The following SLC12A2 variants were observed in gnomAD, a reference collection of about 807,000 sequenced individuals.
SLC12A2 encodes the protein Na-K-2Cl cotransporter 1.
In SLC12A2, 67 loss-of-function variants were observed where a neutral mutation model predicts 136.3. The observed-to-expected ratio is 0.49, with a 90% CI of 0.40 to 0.60. The LOEUF is 0.60. Among genes scored for constraint, SLC12A2 ranks in the 20% least tolerant of loss-of-function variants. The probability of loss-of-function intolerance (pLI) is 0.00; values close to 1 mark genes in which losing one functional copy is unlikely to be tolerated. For missense variants in SLC12A2, 1,322 were observed against 1,534.7 expected (o/e 0.86, Z 2.32); for synonymous variants, 619 against 562.9 (o/e 1.10, Z -1.41).
intron 4 of SLC12A2, among the ~76,000 whole-genome samples, chr5:128,127,818 T>C (rs1279402797): frequency 2.0e-5 from 3 of 152,138 alleles, no homozygotes; most frequent in Non-Finnish European, 4.4e-5. Context: ...TTCTTTGTTC[T>C]TGATTAGCTA....
At chr5:128,096,236 A>C (rs1172129322) in intron 1 of SLC12A2, among the ~76,000 whole-genome samples, 1 of 152,090 alleles carries the variant, frequency 6.6e-6, no homozygotes, top group African/African-American at 2.4e-5. Flanking sequence ...TATTAGGAAA[A>C]ACATCTATGT....
intron 1 of SLC12A2, chr5:128,110,714 T>C: frequency 6.9e-7 from 1 of 1,448,110 alleles, no homozygotes; most frequent in Non-Finnish European, 9.7e-7. Context: ...AAACACTACA[T>C]TCCAGTGAAG....
chr5:128,151,166 T>TTTTTGAATA (rs1320776998), intron 13 of SLC12A2, 75 bp from the exon 14 acceptor site: 4 of 1,310,884 alleles, frequency 3.1e-6, no homozygotes, highest in Non-Finnish European at 4.1e-6. Context: ...AGAATGTTAT[T>TTTTTGAATA]TTTTGAATAC....
intron 1 of SLC12A2, among the ~76,000 whole-genome samples, chr5:128,104,093 G>C (rs1233885919): frequency 1.3e-5 from 2 of 152,146 alleles, no homozygotes; most frequent in Non-Finnish European, 2.9e-5. Flanking sequence ...CGGAAACCCA[G>C]GGGTCTAGAG....
At chr5:128,168,968 T>C (rs1208107995) in intron 18 of SLC12A2, 2 of 152,242 alleles carry the variant, frequency 1.3e-5, no homozygotes, top group Non-Finnish European at 2.9e-5. Context: ...TTTGTGGATT[T>C]TGTGGATGTT....
intron 5 of SLC12A2, among the ~76,000 whole-genome samples, chr5:128,132,380 A>T (rs902979910): frequency 2.0e-5 from 3 of 152,168 alleles, no homozygotes; most frequent in African/African-American, 7.2e-5. Context: ...GGGATGTGAG[A>T]AATTAGAGAA....
chr5:128,182,971 T>G, intron 24 of SLC12A2, 30 bp downstream of exon 24: 1 of 1,375,416 alleles, frequency 7.3e-7, no homozygotes, highest in Non-Finnish European at 1.0e-6. Context: ...TCTGATCCCT[T>G]TATAGATGGC....
At position 128,189,023 on chromosome 5, in the gene SLC12A2, A is replaced by G. The variant is rs1763961250; in HGVS notation, c.*2392A>G. 6.6e-6 allele frequency: 1 copy of G among 152,258 alleles called. No homozygotes were observed. Among genetic ancestry groups the G allele is most frequent in the Admixed American group, 6.6e-5 (1 of 15,232 alleles). The allele number at this position is 152,258 out of a possible 1,614,324, so 9.4% of individuals were successfully genotyped here. A position where few individuals can be genotyped will look rare whatever the true frequency, so the allele number is the denominator to read the frequency against. On this transcript the variant is annotated 3_prime_UTR_variant, in exon 27 of 27. Coordinates refer to ENST00000262461, the MANE Select transcript of SLC12A2 (RefSeq NM_001046.3). Reference sequence around the variant, plus strand: ...TGCGTCATACATGTGGGTATAAAGTACATAAAATATATCTAACTATTCATA... The same window carrying G: ...TGCGTCATACATGTGGGTATAAAGTGCATAAAATATATCTAACTATTCATA...
Position 128,161,748 on chromosome 5 carries a change from A to G in SLC12A2, c.2564A>G (p.Tyr855Cys). 1 of 1,532,486 alleles carries G rather than the reference A, an allele frequency of 6.5e-7. No homozygotes were observed. Among genetic ancestry groups the G allele is most frequent in the Non-Finnish European group, 8.8e-7 (1 of 1,141,946 alleles). 94.9% of individuals were successfully genotyped at this position (1,532,486 alleles called of 1,614,324 possible). A position where few individuals can be genotyped will look rare whatever the true frequency, so the allele number is the denominator to read the frequency against. Residue 855 changes from tyrosine (Y) to cysteine (C), a missense_variant, in exon 17 of 27, where the codon TAT becomes TGT. This residue lies in a region of SLC12A2 where 226 missense variants were observed against 210.4 expected (regional missense o/e 1.07). Transcript: ENST00000262461. ...WLIKNKMKAF[Y>C]APVHADDLRE... ...ATTAAGAACAAAATGAAGGCATTTT[A>G]TGCTCCAGTACATGCAGATGACTTG...
intron 5 of SLC12A2, among the ~76,000 whole-genome samples, chr5:128,132,375 G>A (rs1460570767): frequency 2.6e-5 from 4 of 152,180 alleles, no homozygotes; most frequent in Non-Finnish European, 4.4e-5. Context: ...TTAATGGGAT[G>A]TGAGAAATTA....
chr5:128,114,424 C>A, intron 3 of SLC12A2, 137 bp downstream of exon 3: 2 of 817,244 alleles, frequency 2.4e-6, no homozygotes, highest in Non-Finnish European at 4.0e-6. Flanking sequence ...TCTTGATGTT[C>A]CTTTTTTCAT....
intron 1 of SLC12A2, among the ~76,000 whole-genome samples, chr5:128,094,442 G>T (rs1247627634): frequency 6.6e-6 from 1 of 151,948 alleles, no homozygotes; most frequent in African/African-American, 2.4e-5. Flanking sequence ...TCATAGACAT[G>T]CAGAGCTAGC....
At chr5:128,096,047 G>A (rs548627242) in intron 1 of SLC12A2, among the ~76,000 whole-genome samples, 1 of 152,068 alleles carries the variant, frequency 6.6e-6, no homozygotes, top group South Asian at 2.1e-4. Context: ...ACATCTGATA[G>A]GTTTCAGTAG....
intron 17 of SLC12A2, among the ~76,000 whole-genome samples, chr5:128,162,098 T>C (rs1417834025): frequency 6.6e-6 from 1 of 152,248 alleles, no homozygotes; most frequent in East Asian, 1.9e-4. Context: ...GGTGGGAGGC[T>C]CAGAGTATTG....
At chr5:128,112,708 C>A (rs1761197878) in intron 1 of SLC12A2, 106 bp from the exon 2 acceptor site, 3 of 794,166 alleles carry the variant, frequency 3.8e-6, no homozygotes, top group Non-Finnish European at 3.9e-6. Context: ...GAAATCTGTA[C>A]TATGCCCTCT....
chr5:128,140,936 C>G (rs1762345689), intron 9 of SLC12A2, among the ~76,000 whole-genome samples: 1 of 149,904 alleles, frequency 6.7e-6, no homozygotes, highest in African/African-American at 2.5e-5. Flanking sequence ...CCTTCTCATA[C>G]TTAGTTCTGT....
chr5:128,100,802 G>A (rs1760716651), intron 1 of SLC12A2, among the ~76,000 whole-genome samples: 1 of 152,100 alleles, frequency 6.6e-6, no homozygotes, highest in Non-Finnish European at 1.5e-5. Flanking sequence ...ATACTGGAAG[G>A]TGTAAGTTTT....
chr5:128,141,741 G>T (rs1762369658), intron 9 of SLC12A2, 89 bp from the exon 10 acceptor site: 2 of 1,046,638 alleles, frequency 1.9e-6, no homozygotes, highest in Non-Finnish European at 1.3e-6. Context: ...TCACTACTTT[G>T]GTTTCTTTAT....
intron 19 of SLC12A2, 109 bp downstream of exon 19, chr5:128,171,855 C>A: frequency 1.5e-6 from 1 of 665,160 alleles, no homozygotes; most frequent in South Asian, 2.2e-5. Context: ...AATTATGTAT[C>A]GTGGACTTAT....
Sources: gnomAD v4.1 joint callset for allele counts (sites outside exome capture counted in the v4.1 genomes callset) on GRCh38, gnomAD v4.1.1 for gene constraint, gnomAD v4.1.1 regional missense constraint, MANE v1.5 for transcripts, NCBI Gene and HGNC (gene_info 2026-07-23, HGNC 2026-07-21) for gene names.